KHDRBS2: variants seen among roughly 807,000 people sequenced by gnomAD.
The protein encoded by KHDRBS2 is KH RNA binding domain containing, signal transduction associated 2.
A neutral mutation model predicts 44.3 loss-of-function variants in KHDRBS2; 26 were observed. The observed-to-expected ratio is 0.59, with a 90% CI of 0.43 to 0.81. The LOEUF is 0.81. KHDRBS2 is among the 40% of genes least tolerant of loss of function. KHDRBS2 has a pLI of 0.00. For missense variants in KHDRBS2, 476 were observed against 433.1 expected (o/e 1.10, Z -0.88); for synonymous variants, 194 against 151.1 (o/e 1.28, Z -2.08).
At chr6:61,945,112 A>AAATATATAT (rs1491476068) in intron 4 of KHDRBS2, among the ~76,000 whole-genome samples, 2 of 48,416 alleles carry the variant, frequency 4.1e-5, no homozygotes, top group Non-Finnish European at 7.2e-5. Context: ...AAAAAAAAAA[A>AAATATATAT]GTATATATAT....
intron 3 of KHDRBS2, among the ~76,000 whole-genome samples, chr6:62,017,735 T>C (rs1177824332): frequency 6.6e-6 from 1 of 152,126 alleles, no homozygotes; most frequent in Non-Finnish European, 1.5e-5. Context: ...AAACTTAATT[T>C]AGAACTGTAA....
chr6:62,048,272 A>T (rs1788187544), intron 2 of KHDRBS2, among the ~76,000 whole-genome samples: 1 of 151,892 alleles, frequency 6.6e-6, no homozygotes, highest in African/African-American at 2.4e-5. Context: ...ATATATAATC[A>T]AATGAATCAT....
intron 1 of KHDRBS2, among the ~76,000 whole-genome samples, chr6:62,204,427 G>C (rs1184624898): frequency 6.6e-6 from 1 of 152,092 alleles, no homozygotes; most frequent in African/African-American, 2.4e-5. Context: ...AAACTGGTTG[G>C]GACCAGAAGA....
intron 4 of KHDRBS2, among the ~76,000 whole-genome samples, chr6:61,943,952 T>G (rs185236089): frequency 1.1e-4 from 16 of 152,142 alleles, no homozygotes; most frequent in Admixed American, 7.2e-4. Context: ...AAAACCACAA[T>G]GAGGTATCAA....
chr6:61,612,431 A>G, the KHDRBS2 span, among the ~76,000 whole-genome samples: 1 of 152,194 alleles, frequency 6.6e-6, no homozygotes, highest in Admixed American at 6.5e-5. Context: ...AACCAGCTCA[A>G]TATTGCTATC....
rs145138866 is a variant in KHDRBS2, at chr6:61,793,125, T to A, written c.811-60361A>T. 1.3e-4 allele frequency among the ~76,000 whole-genome samples: 20 copies of A among 151,944 alleles called. No individual in the cohort carries two copies. The East Asian group carries it at 3.3e-3, about 25-fold the overall frequency. On this transcript the variant is annotated intron_variant, in intron 6 of 8. Coordinates refer to ENST00000281156, the MANE Select transcript of KHDRBS2 (RefSeq NM_152688.4). ...TACAAGGGAACTTGCTGTACAACAG[T>A]GTGTAGATATTAGAAACCAGTGGTG...
chr6:62,091,287 A>ATT (rs11374389), intron 2 of KHDRBS2, among the ~76,000 whole-genome samples: 3 of 152,000 alleles, frequency 2.0e-5, no homozygotes, highest in African/African-American at 4.8e-5. Flanking sequence ...AGTATTTTTT[A>ATT]TTTTTCATTA....
intron 6 of KHDRBS2, among the ~76,000 whole-genome samples, chr6:61,881,499 C>A (rs547253520): frequency 6.6e-6 from 1 of 151,996 alleles, no homozygotes; most frequent in South Asian, 2.1e-4. Flanking sequence ...GTGGGACACA[C>A]TGAAAGACCA....
At chr6:61,802,637 AG>A (rs1423448594) in intron 6 of KHDRBS2, among the ~76,000 whole-genome samples, 2 of 152,166 alleles carry the variant, frequency 1.3e-5, no homozygotes, top group African/African-American at 2.4e-5. Context: ...CATGTCCCTA[AG>A]TACCTAAGGC....
intron 3 of KHDRBS2, among the ~76,000 whole-genome samples, chr6:62,029,530 G>A (rs1309453876): frequency 2.6e-5 from 4 of 151,848 alleles, no homozygotes; most frequent in Non-Finnish European, 4.4e-5. Context: ...CTAGGTTTAC[G>A]AATTCATTTT....
chr6:61,593,130 T>A, the KHDRBS2 span, among the ~76,000 whole-genome samples: 1 of 152,192 alleles, frequency 6.6e-6, no homozygotes, highest in Non-Finnish European at 1.5e-5. Context: ...AACTGACAGA[T>A]GTTCTTAGGT....
the KHDRBS2 span, among the ~76,000 whole-genome samples, chr6:61,652,995 A>T: frequency 6.6e-6 from 1 of 152,106 alleles, no homozygotes; most frequent in Non-Finnish European, 1.5e-5. Flanking sequence ...GAGGCAATGG[A>T]CCAAAATGTG....
chr6:62,059,198 G>GTTTTTTTTTTTTTTTTTTTT lies in KHDRBS2; in HGVS notation c.220-11224_220-11205dup. On this transcript the variant is annotated intron_variant, in intron 2 of 8. Coordinates refer to ENST00000281156, the MANE Select transcript of KHDRBS2 (RefSeq NM_152688.4). ...TATTTCCACATAGAAAAGTTAGGAA[G>GTTTTTTTTTTTTTTTTTTTT]TTTTTTTTTTTTTTTTTTTTTTTTT... Among the ~76,000 whole-genome samples, 90 of 24,886 alleles carry GTTTTTTTTTTTTTTTTTTTT rather than the reference G, an allele frequency of 3.6e-3. 33 individuals are homozygous for GTTTTTTTTTTTTTTTTTTTT. Among genetic ancestry groups the GTTTTTTTTTTTTTTTTTTTT allele is most frequent in the Non-Finnish European group, 4.7e-3 (57 of 12,204 alleles). 16.3% of individuals were successfully genotyped at this position (24,886 alleles called of 152,430 possible). A position where few individuals can be genotyped will look rare whatever the true frequency, so the allele number is the denominator to read the frequency against.
At chr6:61,705,215 C>G (rs1435818015) in intron 7 of KHDRBS2, among the ~76,000 whole-genome samples, 1 of 151,792 alleles carries the variant, frequency 6.6e-6, no homozygotes, top group Admixed American at 6.6e-5. Flanking sequence ...CCATTATATG[C>G]TAATTCCTAA....
chr6:61,860,771 C>T (rs775357380), intron 6 of KHDRBS2, among the ~76,000 whole-genome samples: 4 of 151,840 alleles, frequency 2.6e-5, no homozygotes, highest in Non-Finnish European at 5.9e-5. Context: ...TATTTTATCC[C>T]TAAGTCTTGG....
chr6:61,708,943 G>A (rs1770037530), intron 7 of KHDRBS2, among the ~76,000 whole-genome samples: 1 of 151,626 alleles, frequency 6.6e-6, no homozygotes, highest in South Asian at 2.1e-4. Context: ...AACAGTATTT[G>A]AAATTAAAAT....
chr6:61,872,026 G>T (rs1418215926), intron 6 of KHDRBS2, among the ~76,000 whole-genome samples: 1 of 152,000 alleles, frequency 6.6e-6, no homozygotes, highest in South Asian at 2.1e-4. Context: ...AAACCACCAT[G>T]GTGCGTGTAT....
chr6:61,888,491 G>A (rs1801304333), intron 6 of KHDRBS2, among the ~76,000 whole-genome samples: 1 of 151,272 alleles, frequency 6.6e-6, no homozygotes, highest in Non-Finnish European at 1.5e-5. Context: ...AGATAAAACG[G>A]AAAGGAAACA....
At chr6:61,930,010 G>T (rs990384103) in intron 4 of KHDRBS2, among the ~76,000 whole-genome samples, 1 of 152,118 alleles carries the variant, frequency 6.6e-6, no homozygotes, top group Non-Finnish European at 1.5e-5. Flanking sequence ...AGGCCTTAAA[G>T]AGGTGATTAA....
Sources: gnomAD v4.1 joint callset for allele counts (sites outside exome capture counted in the v4.1 genomes callset) on GRCh38, gnomAD v4.1.1 for gene constraint, MANE v1.5 for transcripts, NCBI Gene and HGNC (gene_info 2026-07-23, HGNC 2026-07-21) for gene names.